PCDHGB2: variants seen among roughly 807,000 people sequenced by gnomAD.
PCDHGB2 encodes the protein protocadherin gamma-B2.
Under a neutral mutation model 59.3 loss-of-function variants are expected in PCDHGB2, and 55 were observed. That is an observed-to-expected ratio of 0.93 (90% confidence interval 0.75 to 1.16). The LOEUF (loss-of-function observed/expected upper bound fraction) is 1.16. Among genes scored for constraint, PCDHGB2 ranks in the 50% most tolerant of loss-of-function variants. The pLI, the probability that PCDHGB2 is intolerant of heterozygous loss-of-function variation, is 0.00. For synonymous variants in PCDHGB2, 516 were observed against 512.0 expected (o/e 1.01, Z -0.11); for missense variants, 1,228 against 1,198.5 (o/e 1.02, Z -0.36).
rs911594122 is a variant in PCDHGB2, at chr5:141,383,374, G to C, written c.2421+20818G>C. On this transcript the variant is annotated intron_variant, in intron 1 of 3. Transcript: ENST00000522605. ...TCGGTTTCCGTTAAGCGAGGCTGGGGATCCAGATGTGGGCACGAACTCCCT... is the reference window on the plus strand; with the variant it reads ...TCGGTTTCCGTTAAGCGAGGCTGGGCATCCAGATGTGGGCACGAACTCCCT... 1.2e-6 allele frequency: 2 copies of C among 1,613,910 alleles called. No homozygotes were observed. The highest frequency in any genetic ancestry group is 2.7e-5 in the African/African-American group (2 of 74,936).
At position 141,389,005 on chromosome 5, in the gene PCDHGB2, C is replaced by T. The variant is rs757594459; in HGVS notation, c.2421+26449C>T. 81 of 1,613,780 alleles carry T rather than the reference C, an allele frequency of 5.0e-5. No individual in the cohort carries two copies. Among genetic ancestry groups the T allele is most frequent in the Non-Finnish European group, 6.7e-5 (79 of 1,179,858 alleles). On this transcript the variant is annotated intron_variant, in intron 1 of 3. Transcript: ENST00000522605. The stretch of plus-strand genomic sequence containing the variant: ...TTGCTCAAAGTCCGTGACAAGGATT[C>T]CAGACACAATGGAGAAGTGACTTGT...
At chr5:141,423,557 G>A (rs1365715281) in intron 1 of PCDHGB2, 4 of 1,613,536 alleles carry the variant, frequency 2.5e-6, no homozygotes, top group East Asian at 2.2e-5. Context: ...CCCAACTATG[G>A]GGACACGCTC....
At position 141,477,677 on chromosome 5, in the gene PCDHGB2, TC is replaced by T; in HGVS notation, c.2422-17128del. On this transcript the variant is annotated intron_variant, in intron 1 of 3. Transcript: ENST00000522605. This position sits in a 1 kb window ranked among gnomAD's most constrained non-coding sequence, Gnocchi z 4.9. ...AAATCGTGACAATGGCATAGTGTCA[TC>T]CTTAGTGCCCCTAGACTATGAGGAT... 1 of 1,614,174 alleles carries T rather than the reference TC, an allele frequency of 6.2e-7. No homozygotes were observed. The highest frequency in any genetic ancestry group is 8.5e-7 in the Non-Finnish European group (1 of 1,180,038).
Position 141,477,256 on chromosome 5 carries a change from T to G in PCDHGB2, c.2422-17551T>G. 2 of 1,614,210 alleles carry G rather than the reference T, an allele frequency of 1.2e-6. No homozygotes were observed. The highest frequency in any genetic ancestry group is 1.7e-6 in the Non-Finnish European group (2 of 1,180,038). On this transcript the variant is annotated intron_variant, in intron 1 of 3. Coordinates refer to ENST00000522605, the MANE Select transcript of PCDHGB2 (RefSeq NM_018923.3). This position sits in a 1 kb window ranked among gnomAD's most constrained non-coding sequence, Gnocchi z 4.9. Reference sequence around the variant, plus strand: ...CTTTGCTCAGTGTGACTGACCTGGATGCTGGCGAGAACGGGCTGGTGACCT... The same window carrying G: ...CTTTGCTCAGTGTGACTGACCTGGAGGCTGGCGAGAACGGGCTGGTGACCT...
chr5:141,476,071 T>A lies in PCDHGB2; in HGVS notation c.2422-18736T>A. On this transcript the variant is annotated intron_variant, in intron 1 of 3. Transcript: ENST00000522605. The surrounding 1 kb of genome is among the most constrained non-coding windows in gnomAD (Gnocchi z 7.6). ...CCGCTGAAAGTTTCTCAGCGAAATC[T>A]CAGGGACGATCTGGACCCCGCTGAG... 6.6e-7 allele frequency: 1 copy of A among 1,522,792 alleles called. No individual in the cohort carries two copies. The highest frequency in any genetic ancestry group is 8.8e-7 in the Non-Finnish European group (1 of 1,142,680). 94.3% of individuals were successfully genotyped at this position (1,522,792 alleles called of 1,614,324 possible).
chr5:141,423,330 C>T (rs932335651), intron 1 of PCDHGB2: 2 of 1,614,174 alleles, frequency 1.2e-6, no homozygotes, highest in Non-Finnish European at 1.7e-6. Flanking sequence ...TGGCCGCAGT[C>T]TCCTGCATCT....
chr5:141,410,766 AG>A, intron 1 of PCDHGB2: 1 of 1,032,268 alleles, frequency 9.7e-7, no homozygotes, highest in Non-Finnish European at 1.3e-6. Context: ...TTTCAATTAT[AG>A]TTTTCACTAT....
rs979750945 is a variant in PCDHGB2 at position 141,478,807 on chromosome 5, A to G, written c.2422-16000A>G. The G allele has an allele frequency of 3.4e-6, 5 of 1,459,258 alleles. No homozygotes were observed. The African/African-American group carries it at 5.7e-5, about 17-fold the overall frequency. 90.4% of individuals were successfully genotyped at this position (1,459,258 alleles called of 1,614,324 possible). On this transcript the variant is annotated intron_variant, in intron 1 of 3. Transcript: ENST00000522605. The stretch of plus-strand genomic sequence containing the variant: ...TTCACATCCTCAGCACTCTTTTGCT[A>G]TCACAACTAACCAATCTTGCTAAGG...
In PCDHGB2 at chr5:141,431,775, A is replaced by T; in HGVS notation, c.2422-63032A>T. 6.2e-7 allele frequency: 1 copy of T among 1,614,204 alleles called. No homozygotes were observed. Among genetic ancestry groups the T allele is most frequent in the Non-Finnish European group, 8.5e-7 (1 of 1,180,024 alleles). ...GCCAAAGTCCTGATCACTGTTCTGG[A>T]CGTGAACGACAATGCCCCAGAAGTG... On this transcript the variant is annotated intron_variant, in intron 1 of 3. Transcript: ENST00000522605. This position sits in a 1 kb window ranked among gnomAD's most constrained non-coding sequence, Gnocchi z 4.8.
At chr5:141,388,956 G>C (rs1010974359) in intron 1 of PCDHGB2, 1 of 1,613,846 alleles carries the variant, frequency 6.2e-7, no homozygotes, top group Non-Finnish European at 8.5e-7. Context: ...TATGGAGGAC[G>C]CCGAGCTGGG....
chr5:141,459,909 G>A (rs7446907), intron 1 of PCDHGB2, among the ~76,000 whole-genome samples: 42,418 of 152,010 alleles, frequency 0.28, 6,645 homozygotes, highest in African/African-American at 0.43. Flanking sequence ...TGAGCTATGG[G>A]AGTTTTAAAA....
chr5:141,503,307 G>T (rs1042228003), intron 2 of PCDHGB2, among the ~76,000 whole-genome samples: 5 of 152,096 alleles, frequency 3.3e-5, no homozygotes, highest in African/African-American at 1.2e-4. Context: ...GCTCAAGAAA[G>T]AATTGTTGGA....
chr5:141,478,100 C>T, intron 1 of PCDHGB2: 1 of 1,614,124 alleles, frequency 6.2e-7, no homozygotes, highest in Non-Finnish European at 8.5e-7. Context: ...CACTGCTACC[C>T]TCACTGTGTC....
Position 141,366,497 on chromosome 5 carries a change from C to T in PCDHGB2, c.2421+3941C>T, listed in dbSNP as rs776618534. On this transcript the variant is annotated intron_variant, in intron 1 of 3. Transcript: ENST00000522605. ...CAGACTGAGGCGCTGGCACAAGTCA[C>T]GCCTGCTTCAGGCTGAAGGCAGCAG... 5.0e-6 allele frequency: 8 copies of T among 1,614,136 alleles called. No individual in the cohort carries two copies. In the African/African-American group the frequency reaches 8.0e-5, roughly 16 times the overall value.
intron 1 of PCDHGB2, chr5:141,410,448 C>T: frequency 6.2e-7 from 1 of 1,614,006 alleles, no homozygotes; most frequent in Non-Finnish European, 8.5e-7. Context: ...GGGACTTTGC[C>T]TTATTCTTAT....
At position 141,361,652 on chromosome 5, in the gene PCDHGB2, C is replaced by T. The variant is rs1226356152; in HGVS notation, c.1517C>T (p.Ser506Phe). The stretch of plus-strand genomic sequence containing the variant: ...CCGCGGGAGATTTTATCCTACGTGT[C>T]CGTGAGCGCGCAGAGCGGGGTGGTG... ...LKPREILSYVSVSAQSGVVFA... is the reference protein window; with the variant it reads ...LKPREILSYVFVSAQSGVVFA... The change falls in exon 1 of 4, where the codon TCC becomes TTC. Residue 506 changes from serine to phenylalanine, a missense_variant. Physicochemically the swap from Ser to Phe is radical, Grantham distance 155. Around this residue, in one of 3 missense-constraint regions of PCDHGB2, gnomAD observed 781 missense variants for 721.6 expected, o/e 1.08. Transcript: ENST00000522605. The T allele has an allele frequency of 9.9e-6, 16 of 1,613,788 alleles. No homozygotes were observed. Among genetic ancestry groups the T allele is most frequent in the East Asian group, 2.2e-5 (1 of 44,884 alleles).
chr5:141,366,557 G>A (rs376762797), intron 1 of PCDHGB2: 1 of 1,614,150 alleles, frequency 6.2e-7, no homozygotes, highest in African/African-American at 1.3e-5. Flanking sequence ...CTTTGTGGGC[G>A]TGGATGGGGT....
chr5:141,448,190 C>T (rs1426828578), intron 1 of PCDHGB2, among the ~76,000 whole-genome samples: 1 of 152,118 alleles, frequency 6.6e-6, no homozygotes, highest in Non-Finnish European at 1.5e-5. Flanking sequence ...GTTATGTACA[C>T]TTACAAACAT....
intron 1 of PCDHGB2, chr5:141,405,405 T>C (rs765108115): frequency 1.4e-5 from 22 of 1,588,008 alleles, no homozygotes; most frequent in Non-Finnish European, 1.9e-5. Context: ...TTTCTTTCTT[T>C]TCTTTTTTTG....
Sources: gnomAD v4.1 joint callset for allele counts (sites outside exome capture counted in the v4.1 genomes callset) on GRCh38, gnomAD v4.1.1 for gene constraint, gnomAD v4.1.1 regional missense constraint, Gnocchi (gnomAD v3.1) non-coding constraint, MANE v1.5 for transcripts, NCBI Gene and HGNC (gene_info 2026-07-23, HGNC 2026-07-21) for gene names.